Variants in PLXNA2 observed in about 807,000 individuals in gnomAD.
The protein encoded by PLXNA2 is plexin A2, also known as plexin-A2.
PLXNA2 carries 91 observed loss-of-function variants against 193.5 expected under a neutral mutation model. The ratio of observed to expected loss-of-function variants is 0.47; its 90% confidence interval spans 0.40 to 0.56. The LOEUF (loss-of-function observed/expected upper bound fraction) is 0.56, where lower values mean the gene tolerates loss of function less well. PLXNA2 is among the 20% of genes least tolerant of loss of function. The probability of loss-of-function intolerance (pLI) is 0.00; values close to 1 mark genes in which losing one functional copy is unlikely to be tolerated. For missense variants in PLXNA2, 1,995 were observed against 2,503.2 expected (o/e 0.80, Z 4.33); for synonymous variants, 997 against 1,027.3 (o/e 0.97, Z 0.56).
At chr1:208,143,729 CT>C (rs111305066) in intron 3 of PLXNA2, among the ~76,000 whole-genome samples, 43 of 147,758 alleles carry the variant, frequency 2.9e-4, no homozygotes, top group East Asian at 5.9e-4. Flanking sequence ...ACTTTGATGC[CT>C]TTTTTTTTTG....
rs149794390 is a variant in PLXNA2, at chr1:208,131,280, A to G, written c.1506+11049T>C. ...GACACCTCTGAACCTGCATCTTCAC[A>G]CTACAGAAACCGTCCTAGTCATCAG... On this transcript the variant is annotated intron_variant, in intron 4 of 31. Coordinates refer to ENST00000367033, the MANE Select transcript of PLXNA2 (RefSeq NM_025179.4). Among the ~76,000 whole-genome samples, 500 of 152,236 alleles carry G rather than the reference A, an allele frequency of 3.3e-3. 15 individuals carry two copies. The highest frequency in any genetic ancestry group is 0.026 in the Admixed American group (403 of 15,296).
At position 208,039,746 on chromosome 1, in the gene PLXNA2, A is replaced by C; in HGVS notation, c.4375T>G (p.Phe1459Val). ...FLKECAGEPLFMLYCAIKQQM... is the reference protein window; with the variant it reads ...FLKECAGEPLVMLYCAIKQQM... ...TGCTTGATGGCACAGTATAGCATGA[A>C]GAGTGGCTCCCCTGCGCACTCCTGT... Residue 1459 changes from phenylalanine (F) to valine (V), a missense_variant, in exon 24 of 32, where the codon TTC (phenylalanine) becomes GTC (valine). Coordinates refer to ENST00000367033, the MANE Select transcript of PLXNA2 (RefSeq NM_025179.4). 1 of 1,614,138 alleles carries C rather than the reference A, an allele frequency of 6.2e-7. No homozygotes were observed. The highest frequency in any genetic ancestry group is 8.5e-7 in the Non-Finnish European group (1 of 1,180,032).
At position 208,180,296 on chromosome 1, in the gene PLXNA2, C is replaced by G. The variant is rs192581543; in HGVS notation, c.1371+29984G>C. Among the ~76,000 whole-genome samples, 267 of 152,010 alleles carry G rather than the reference C, an allele frequency of 1.8e-3. 1 individual carries two copies. The highest frequency in any genetic ancestry group is 3.4e-3 in the Middle Eastern group (1 of 294). On this transcript the variant is annotated intron_variant, in intron 3 of 31. Transcript: ENST00000367033. Reference sequence around the variant, plus strand: ...AAATGGCCTGTCTTCAGGCTGTCAGCAGAAGAAACGCCTCTGCATTCAAGC... The same window carrying G: ...AAATGGCCTGTCTTCAGGCTGTCAGGAGAAGAAACGCCTCTGCATTCAAGC...
In PLXNA2 at chr1:208,142,482, T is replaced by A. The variant is rs1571962220; in HGVS notation, c.1372-19A>T. 6.3e-7 allele frequency: 1 copy of A among 1,589,286 alleles called. No individual in the cohort carries two copies. Among genetic ancestry groups the A allele is most frequent in the South Asian group, 1.2e-5 (1 of 86,888 alleles). On this transcript the variant is annotated intron_variant, in intron 3 of 31. Coordinates refer to ENST00000367033, the MANE Select transcript of PLXNA2 (RefSeq NM_025179.4). ...CCCGAATCTGTATGAGAAACAAGGG[T>A]GTCCTCAGCATCTGCCCTCAGTATT...
intron 3 of PLXNA2, among the ~76,000 whole-genome samples, chr1:208,163,874 T>C (rs1055714895): frequency 2.0e-5 from 3 of 152,230 alleles, no homozygotes; most frequent in Non-Finnish European, 4.4e-5. Flanking sequence ...AAATTCTTGC[T>C]AAATGAATTG....
chr1:208,100,585 C>G (rs1162747330), intron 5 of PLXNA2, among the ~76,000 whole-genome samples: 1 of 152,106 alleles, frequency 6.6e-6, no homozygotes, highest in East Asian at 1.9e-4. Context: ...GGACAGTGTG[C>G]ATATGATCTT....
At chr1:208,164,809 A>G (rs1669245940) in intron 3 of PLXNA2, among the ~76,000 whole-genome samples, 1 of 152,218 alleles carries the variant, frequency 6.6e-6, no homozygotes, top group Non-Finnish European at 1.5e-5. Context: ...AGTACTTAGC[A>G]GGCGCTGCCT....
chr1:208,076,159 C>A (rs938983943), intron 12 of PLXNA2, among the ~76,000 whole-genome samples: 3 of 151,970 alleles, frequency 2.0e-5, no homozygotes, highest in African/African-American at 7.2e-5. Context: ...CCTCGGACTT[C>A]TGGAATCAAG....
chr1:208,048,067 GC>G (rs1292722360), intron 17 of PLXNA2, among the ~76,000 whole-genome samples: 1 of 152,132 alleles, frequency 6.6e-6, no homozygotes, highest in Non-Finnish European at 1.5e-5. Context: ...GCCTTGGTGA[GC>G]CTCACCCCAA....
intron 3 of PLXNA2, among the ~76,000 whole-genome samples, chr1:208,169,220 T>C (rs751525695): frequency 1.3e-5 from 2 of 152,110 alleles, no homozygotes; most frequent in South Asian, 2.1e-4. Flanking sequence ...AGGCTGACCT[T>C]TGGGAGTCAA....
chr1:208,192,487 T>C (rs1489626671), intron 3 of PLXNA2, among the ~76,000 whole-genome samples: 1 of 152,062 alleles, frequency 6.6e-6, no homozygotes, highest in African/African-American at 2.4e-5. Context: ...CTAACCCTAC[T>C]AGAAGAAATA....
At chr1:208,110,609 C>A (rs1038279643) in intron 4 of PLXNA2, among the ~76,000 whole-genome samples, 2 of 152,234 alleles carry the variant, frequency 1.3e-5, no homozygotes, top group Non-Finnish European at 2.9e-5. Flanking sequence ...TTACACCAAC[C>A]TTTCCAGGGA....
Position 208,045,182 on chromosome 1 carries a change from C to T in PLXNA2, c.3524G>A (p.Gly1175Glu), listed in dbSNP as rs760753880. The T allele has an allele frequency of 1.2e-6, 2 of 1,614,136 alleles. No homozygotes were observed. Among genetic ancestry groups the T allele is most frequent in the Non-Finnish European group, 8.5e-7 (1 of 1,180,022 alleles). ...KGKNLCPPAS[G>E]GAKLNYTVLI... ...CACAGTGTAGTTGAGTTTGGCCCCT[C>T]CAGAGGCAGGAGGGCAGAGGTTTTT... is the stretch of plus-strand genomic sequence containing the variant. The change falls in exon 19 of 32, where the codon GGA becomes GAA. Residue 1175 changes from glycine (G) to glutamate (E), a missense_variant. This residue lies in a region of PLXNA2 where 1,291 missense variants were observed against 1,673.6 expected (regional missense o/e 0.77). Coordinates refer to ENST00000367033, the MANE Select transcript of PLXNA2 (RefSeq NM_025179.4).
In PLXNA2 at chr1:208,213,334, G is replaced by C. The variant is rs554270884; in HGVS notation, c.1189-2872C>G. ...GTATGGCTTTCCTTGGAAACAGAAG[G>C]GCTCAATAGAGAGAGACTGGACTAA... On this transcript the variant is annotated intron_variant, in intron 2 of 31. Transcript: ENST00000367033. Among the ~76,000 whole-genome samples the C allele has an allele frequency of 3.9e-5, 6 of 152,258 alleles. No homozygotes were observed. In the East Asian group the frequency reaches 1.2e-3, roughly 29 times the overall value.
At chr1:208,231,702 G>A (rs1671698105) in intron 1 of PLXNA2, among the ~76,000 whole-genome samples, 1 of 152,224 alleles carries the variant, frequency 6.6e-6, no homozygotes. Context: ...TCAAGCTGGT[G>A]AGGTTGAGAG....
chr1:208,083,668 C>T lies in PLXNA2; in HGVS notation c.2298+712G>A, dbSNP rs552700465. Among the ~76,000 whole-genome samples the T allele has an allele frequency of 1.7e-3, 259 of 152,260 alleles. 1 individual carries two copies. The highest frequency in any genetic ancestry group is 6.8e-3 in the Middle Eastern group (2 of 294). On this transcript the variant is annotated intron_variant, in intron 10 of 31. Transcript: ENST00000367033. ...ACATCCTCCCCTCCCTCATCTCCAG[C>T]TGACCCCCCACAGTCAGAGACAGGG...
intron 12 of PLXNA2, among the ~76,000 whole-genome samples, chr1:208,070,056 C>T (rs541003459): frequency 3.6e-4 from 55 of 152,288 alleles, no homozygotes; most frequent in South Asian, 6.2e-4. Context: ...TTTATCTAAC[C>T]GCTGCTTTTT....
At chr1:208,199,205 T>C (rs886630019) in intron 3 of PLXNA2, among the ~76,000 whole-genome samples, 2 of 152,142 alleles carry the variant, frequency 1.3e-5, no homozygotes, top group Admixed American at 1.3e-4. Context: ...TCTGGTAAGA[T>C]CCCTGAGATG....
chr1:208,128,695 C>CTTTTTTTTTTT (rs34853346), intron 4 of PLXNA2, among the ~76,000 whole-genome samples: 9 of 81,672 alleles, frequency 1.1e-4, no homozygotes, highest in South Asian at 5.3e-4. Context: ...CTGTTTCTTT[C>CTTTTTTTTTTT]TTTTTTTTTT....
Sources: allele counts gnomAD v4.1 joint callset (sites outside exome capture counted in the v4.1 genomes callset), GRCh38; gene constraint gnomAD v4.1.1; regional missense constraint gnomAD v4.1.1; transcripts MANE v1.5; gene names NCBI Gene and HGNC (gene_info 2026-07-23, HGNC 2026-07-21).